PIK3C2G: variants seen among roughly 807,000 people sequenced by gnomAD.
PIK3C2G encodes phosphatidylinositol 3-kinase C2 domain-containing subunit gamma.
PIK3C2G carries 168 observed loss-of-function variants against 181.1 expected under a neutral mutation model. The ratio of observed to expected loss-of-function variants is 0.93; its 90% CI spans 0.82 to 1.05. PIK3C2G has a LOEUF of 1.05. Among genes scored for constraint, PIK3C2G ranks in the 50% least tolerant of loss-of-function variants. The pLI, the probability that PIK3C2G is intolerant of heterozygous loss-of-function variation, is 0.00. For missense variants in PIK3C2G, 1,869 were observed against 1,732.8 expected (o/e 1.08, Z -1.40); for synonymous variants, 573 against 592.2 (o/e 0.97, Z 0.47).
downstream of PIK3C2G, among the ~76,000 whole-genome samples, chr12:18,650,696 G>GTATA (rs1950431208): frequency 9.2e-5 from 4 of 43,704 alleles, 1 homozygote; most frequent in Non-Finnish European, 1.4e-4. Context: ...GTGTGTGTGT[G>GTATA]TGTGTGTGTA....
At chr12:18,394,326 A>C (rs1442266989) in intron 15 of PIK3C2G, among the ~76,000 whole-genome samples, 4 of 152,090 alleles carry the variant, frequency 2.6e-5, no homozygotes, top group Non-Finnish European at 5.9e-5. Context: ...ACCCCTGAAA[A>C]ATAGCAGAAT....
chr12:18,540,525 C>G (rs1281213871), intron 25 of PIK3C2G, among the ~76,000 whole-genome samples: 1 of 151,776 alleles, frequency 6.6e-6, no homozygotes, highest in East Asian at 1.9e-4. Flanking sequence ...CTTAACAAAG[C>G]ATTCAGCATA....
At chr12:18,712,796 T>C in the PIK3C2G span, 1 of 1,595,734 alleles carries the variant, frequency 6.3e-7, no homozygotes, top group South Asian at 1.1e-5. Flanking sequence ...TAAATTAGAA[T>C]TGCTTCTGTT....
chr12:18,346,248 T>C (rs1352549145), intron 10 of PIK3C2G, among the ~76,000 whole-genome samples: 1 of 152,254 alleles, frequency 6.6e-6, no homozygotes, highest in African/African-American at 2.4e-5. Context: ...ATTAATTCTT[T>C]AGATGGAATT....
intron 15 of PIK3C2G, among the ~76,000 whole-genome samples, chr12:18,394,562 T>G (rs1177099884): frequency 6.6e-6 from 1 of 152,064 alleles, no homozygotes; most frequent in African/African-American, 2.4e-5. Context: ...AGATATTTAT[T>G]GATTTTTTAA....
chr12:18,298,981 G>A (rs1389649600), intron 5 of PIK3C2G, among the ~76,000 whole-genome samples: 1 of 151,910 alleles, frequency 6.6e-6, no homozygotes, highest in African/African-American at 2.4e-5. Flanking sequence ...GGCAAGTAGT[G>A]TGATGCCTGC....
chr12:18,635,382 A>T (rs1405149019), intron 31 of PIK3C2G, among the ~76,000 whole-genome samples: 1 of 152,106 alleles, frequency 6.6e-6, no homozygotes, highest in Non-Finnish European at 1.5e-5. Flanking sequence ...GCGTATACCG[A>T]TTTCATTTGA....
intron 24 of PIK3C2G, among the ~76,000 whole-genome samples, chr12:18,508,460 G>A (rs1431803316): frequency 6.6e-6 from 1 of 151,916 alleles, no homozygotes; most frequent in African/African-American, 2.4e-5. Flanking sequence ...TTGTTTTTTA[G>A]GTACACAAAA....
chr12:18,423,839 A>G, intron 17 of PIK3C2G, 106 bp from the exon 18 acceptor site: 4 of 681,556 alleles, frequency 5.9e-6, no homozygotes, highest in Non-Finnish European at 1.1e-5. Flanking sequence ...TTTTGTTAAA[A>G]TATGCATGCT....
At chr12:18,377,855 A>G (rs1440203816) in intron 13 of PIK3C2G, among the ~76,000 whole-genome samples, 1 of 152,172 alleles carries the variant, frequency 6.6e-6, no homozygotes, top group African/African-American at 2.4e-5. Flanking sequence ...TTTAAGTTAA[A>G]TATTATATTA....
chr12:18,644,384 A>G (rs1950007043), intron 32 of PIK3C2G, among the ~76,000 whole-genome samples: 1 of 152,146 alleles, frequency 6.6e-6, no homozygotes, highest in African/African-American at 2.4e-5. Flanking sequence ...CACACAATTC[A>G]TTAGAAATAC....
downstream of PIK3C2G, among the ~76,000 whole-genome samples, chr12:18,651,012 G>T (rs1486068460): frequency 6.6e-6 from 1 of 151,678 alleles, no homozygotes; most frequent in African/African-American, 2.4e-5. Context: ...CTCTGCAGGG[G>T]CTTCTAATCT....
At chr12:18,405,260 A>G (rs1404003792) in intron 16 of PIK3C2G, among the ~76,000 whole-genome samples, 1 of 152,184 alleles carries the variant, frequency 6.6e-6, no homozygotes, top group Non-Finnish European at 1.5e-5. Flanking sequence ...AACTTGAAAA[A>G]CAATGTGGGA....
At chr12:18,695,047 T>C in the PIK3C2G span, 10 of 1,613,148 alleles carry the variant, frequency 6.2e-6, no homozygotes, top group Non-Finnish European at 8.5e-6. Flanking sequence ...TGCAGATCCA[T>C]GGGCAGACCA....
intron 24 of PIK3C2G, among the ~76,000 whole-genome samples, chr12:18,531,700 G>T (rs985413667): frequency 6.6e-6 from 1 of 152,126 alleles, no homozygotes; most frequent in Non-Finnish European, 1.5e-5. Flanking sequence ...TCAAGCTGTT[G>T]TGTTTTCAAA....
chr12:18,359,704 T>C (rs1248341713), intron 11 of PIK3C2G, among the ~76,000 whole-genome samples: 1 of 152,170 alleles, frequency 6.6e-6, no homozygotes, highest in African/African-American at 2.4e-5. Context: ...TTATACAATC[T>C]CCTTCTCTTT....
chr12:18,636,898 T>G (rs1027662340), intron 31 of PIK3C2G, among the ~76,000 whole-genome samples: 1 of 152,172 alleles, frequency 6.6e-6, no homozygotes, highest in African/African-American at 2.4e-5. Context: ...GTAATAGCCC[T>G]CACTTCACAG....
At chr12:18,625,491 T>C (rs1263411898) in intron 31 of PIK3C2G, among the ~76,000 whole-genome samples, 1 of 151,756 alleles carries the variant, frequency 6.6e-6, no homozygotes, top group Admixed American at 6.6e-5. Context: ...AAAACTTTAT[T>C]ATGTTGCTGT....
At chr12:18,253,952 C>T (rs1948119349) in intron 1 of PIK3C2G, among the ~76,000 whole-genome samples, 2 of 151,532 alleles carry the variant, frequency 1.3e-5, no homozygotes, top group Admixed American at 6.6e-5. Flanking sequence ...CTCCAGCAAC[C>T]CTAGAAGCCA....
Sources: allele counts gnomAD v4.1 joint callset (sites outside exome capture counted in the v4.1 genomes callset), GRCh38; gene constraint gnomAD v4.1.1; transcripts MANE v1.5; gene names NCBI Gene and HGNC (gene_info 2026-07-23, HGNC 2026-07-21).